The following SYMPK variants were observed in gnomAD, a reference collection of about 807,000 sequenced individuals.
SYMPK encodes the protein symplekin.
Under a neutral mutation model 136.4 loss-of-function variants are expected in SYMPK, and 49 were observed. The ratio of observed to expected loss-of-function variants is 0.36; its 90% CI spans 0.29 to 0.46. The LOEUF (loss-of-function observed/expected upper bound fraction) is 0.46, where lower values mean the gene tolerates loss of function less well. SYMPK is among the 20% of genes least tolerant of loss of function. The probability of loss-of-function intolerance (pLI) is 1.00; values close to 1 mark genes in which losing one functional copy is unlikely to be tolerated. For missense variants in SYMPK, 1,365 were observed against 1,690.0 expected, an observed-to-expected ratio of 0.81 and a Z score of 3.37; for synonymous variants, 766 against 713.0, an observed-to-expected ratio of 1.07 and a Z score of -1.19.
At chr19:45,851,577 C>CAA (rs202014672) in intron 5 of SYMPK, among the ~76,000 whole-genome samples, 14 of 105,948 alleles carry the variant, frequency 1.3e-4, no homozygotes, top group South Asian at 5.8e-4. Flanking sequence ...AACTCAGTCT[C>CAA]AAAAAAAAAA....
At position 45,815,640 on chromosome 19, in the gene SYMPK, G is replaced by A. The variant is rs764275989; in HGVS notation, c.3745C>T (p.Pro1249Ser). The change falls in exon 27 of 27, where the codon CCT becomes TCT. Residue 1249 changes from proline to serine, a missense_variant. Pro to Ser is a moderately conservative substitution (Grantham distance 74). Coordinates refer to ENST00000245934, the MANE Select transcript of SYMPK (RefSeq NM_004819.3). Reference protein sequence around the residue: ...KEERSPQTLAPVGEDAMKTPS... With the variant: ...KEERSPQTLASVGEDAMKTPS... The stretch of plus-strand genomic sequence containing the variant: ...GTCTTCATAGCATCTTCTCCAACAG[G>A]TGCGAGGGTCTGGGGGCTCCGCTCC... 3.7e-6 allele frequency: 6 copies of A among 1,610,446 alleles called. No individual in the cohort carries two copies. The highest frequency in any genetic ancestry group is 1.1e-5 in the South Asian group (1 of 90,530).
At chr19:45,842,511 C>T (rs372515423) in intron 8 of SYMPK, 22 bp from the exon 9 acceptor site, 38 of 1,600,782 alleles carry the variant, frequency 2.4e-5, no homozygotes, top group Admixed American at 5.1e-5. Context: ...GTGGCAGGAG[C>T]TGTGTCTTGT....
rs943880168 is a variant in SYMPK at position 45,858,110 on chromosome 19, G to A, written c.-12-3603C>T. On this transcript the variant is annotated intron_variant, in intron 1 of 26. Coordinates refer to ENST00000245934, the MANE Select transcript of SYMPK (RefSeq NM_004819.3). ...CACAGCGCCCAGCCGAAAATGACAC[G>A]TTTTTTAAAAGGAACTACCCAATAG... Among the ~76,000 whole-genome samples, 6 of 152,124 alleles carry A rather than the reference G, an allele frequency of 3.9e-5. No homozygotes were observed. In the East Asian group the frequency reaches 9.7e-4, roughly 25 times the overall value.
intron 9 of SYMPK, among the ~76,000 whole-genome samples, chr19:45,839,387 TAGTA>T (rs1446787289): frequency 2.6e-5 from 4 of 152,182 alleles, no homozygotes; most frequent in Non-Finnish European, 1.5e-5. Context: ...CTTGTCATGC[TAGTA>T]AGTAAGTGAA....
In SYMPK at chr19:45,816,961, G is replaced by A. The variant is rs1172396122; in HGVS notation, c.3095C>T (p.Pro1032Leu). The change falls in exon 24 of 27, where the codon CCC (proline) becomes CTC (leucine). Residue 1032 changes from proline to leucine, a missense_variant. By Grantham distance (98) the Pro-to-Leu change is moderately conservative (BLOSUM62 -3). Coordinates refer to ENST00000245934, the MANE Select transcript of SYMPK (RefSeq NM_004819.3). ...CTTGATGAAGCCCTCCCACACCTTG[G>A]GGTACTTCCACACCTGAACCAGGGA... ...RLIMKQVWKY[P>L]KVWEGFIKCC... 1.9e-6 allele frequency: 3 copies of A among 1,561,112 alleles called. No individual in the cohort carries two copies. In the African/African-American group the frequency reaches 4.1e-5, roughly 21 times the overall value.
intron 1 of SYMPK, among the ~76,000 whole-genome samples, chr19:45,857,192 G>A (rs1971841813): frequency 6.6e-6 from 1 of 151,674 alleles, no homozygotes; most frequent in South Asian, 2.1e-4. Context: ...ACGGATCACG[G>A]AGGTCAGGAG....
intron 1 of SYMPK, chr19:45,855,885 C>G (rs1157672311): frequency 6.6e-6 from 1 of 151,960 alleles, no homozygotes; most frequent in East Asian, 1.9e-4. Context: ...GTCCCAGCTA[C>G]TCAGGGAGGT....
intron 17 of SYMPK, among the ~76,000 whole-genome samples, chr19:45,825,543 A>C (rs1419405415): frequency 2.6e-5 from 4 of 152,012 alleles, no homozygotes; most frequent in African/African-American, 9.7e-5. Flanking sequence ...GGCAACTAGA[A>C]GGATCTTTCT....
In SYMPK at chr19:45,838,581, G is replaced by C; in HGVS notation, c.1122C>G (p.Asp374Glu). 6.2e-7 allele frequency: 1 copy of C among 1,614,142 alleles called. No homozygotes were observed. The highest frequency in any genetic ancestry group is 1.1e-5 in the South Asian group (1 of 91,080). ...PNLGEDDEDK[D>E]LEPGPSGTSK... The stretch of plus-strand genomic sequence containing the variant: ...AGGTCCCCGACGGGCCTGGCTCCAA[G>C]TCTTTGTCCTCATCGTCCTCCCCCA... The change falls in exon 10 of 27, where the codon GAC becomes GAG. Residue 374 changes from aspartate to glutamate, a missense_variant. By Grantham distance (45) the Asp-to-Glu change is conservative. Coordinates refer to ENST00000245934, the MANE Select transcript of SYMPK (RefSeq NM_004819.3).
intron 3 of SYMPK, among the ~76,000 whole-genome samples, chr19:45,853,111 G>A (rs1047420453): frequency 6.6e-6 from 1 of 152,140 alleles, no homozygotes; most frequent in Non-Finnish European, 1.5e-5. Flanking sequence ...ATTGCTAAAC[G>A]GCCTCATGAC....
At chr19:45,856,887 T>C (rs755886734) in intron 1 of SYMPK, among the ~76,000 whole-genome samples, 1 of 151,174 alleles carries the variant, frequency 6.6e-6, no homozygotes, top group African/African-American at 2.4e-5. Context: ...GAGGCTGAGG[T>C]AGGCAGAACA....
intron 11 of SYMPK, among the ~76,000 whole-genome samples, chr19:45,833,757 G>T (rs1017269698): frequency 6.6e-6 from 1 of 152,220 alleles, no homozygotes; most frequent in Non-Finnish European, 1.5e-5. Flanking sequence ...CTATAAATCC[G>T]AAACTTTCTG....
intron 24 of SYMPK, 99 bp from the exon 25 acceptor site, chr19:45,816,676 A>G: frequency 1.3e-6 from 2 of 1,548,486 alleles, no homozygotes; most frequent in South Asian, 1.2e-5. Flanking sequence ...CAGAACTCCC[A>G]GCAGTGCAGG....
Position 45,816,561 on chromosome 19 carries a change from T to G in SYMPK, c.3275A>C (p.Asn1092Thr). The change falls in exon 25 of 27, where the codon AAC becomes ACC. Residue 1092 changes from asparagine to threonine, a missense_variant. Around this residue, in one of 11 missense-constraint regions of SYMPK, gnomAD observed 341 missense variants for 270.5 expected, o/e 1.26. Coordinates refer to ENST00000245934, the MANE Select transcript of SYMPK (RefSeq NM_004819.3). ...FTPHQQAHIP[N>T]SIMTILEASG... ...GGCCTCCAAGATGGTCATGATGGAG[T>G]TAGGGATGTGAGCTTGCTGGGTGGA... is the stretch of plus-strand genomic sequence containing the variant. 2 of 1,612,964 alleles carry G rather than the reference T, an allele frequency of 1.2e-6. No individual in the cohort carries two copies. Among genetic ancestry groups the G allele is most frequent in the Non-Finnish European group, 1.7e-6 (2 of 1,179,742 alleles).
chr19:45,863,077 C>T lies in SYMPK; in HGVS notation c.-32G>A. 2.5e-6 allele frequency: 1 copy of T among 401,464 alleles called. No individual in the cohort carries two copies. Among genetic ancestry groups the T allele is most frequent in the Non-Finnish European group, 4.4e-6 (1 of 226,750 alleles). 24.9% of individuals were successfully genotyped at this position (401,464 alleles called of 1,614,324 possible). A position where few individuals can be genotyped will look rare whatever the true frequency, so the allele number is the denominator to read the frequency against. On this transcript the variant is annotated 5_prime_UTR_variant, in exon 1 of 27. Coordinates refer to ENST00000245934, the MANE Select transcript of SYMPK (RefSeq NM_004819.3). ...GCTCACCGCAGCTCTGGCCTCCGTT[C>T]CCCTCGCGCCCCCTCAGCAGTGCCT...
At chr19:45,837,616 CAAAA>C (rs58960244) in intron 10 of SYMPK, among the ~76,000 whole-genome samples, 5 of 77,542 alleles carry the variant, frequency 6.4e-5, no homozygotes, top group South Asian at 5.1e-4. Context: ...GACTCTGCCT[CAAAA>C]AAAAAAAAAA....
At chr19:45,817,417 C>CTCTTTTTTTTTTTTTTTTTT (rs1568605965) in intron 23 of SYMPK, among the ~76,000 whole-genome samples, 19 of 108,478 alleles carry the variant, frequency 1.8e-4, no homozygotes, top group Non-Finnish European at 2.0e-4. Context: ...TTTTTGTTCT[C>CTCTTTTTTTTTTTTTTTTTT]TTTTTTTTTT....
chr19:45,822,863 G>T lies in SYMPK; in HGVS notation c.2701-17C>A. On this transcript the variant is annotated splice_polypyrimidine_tract_variant and intron_variant, in intron 20 of 26. Coordinates refer to ENST00000245934, the MANE Select transcript of SYMPK (RefSeq NM_004819.3). ...CACCTCTTTCTACAGGGAGAAGGTG[G>T]TGGGGGTGGGAGTTGAGTCACATAC... 1.3e-6 allele frequency: 2 copies of T among 1,594,882 alleles called. No homozygotes were observed. The highest frequency in any genetic ancestry group is 1.7e-6 in the Non-Finnish European group (2 of 1,162,914).
At chr19:45,824,451 C>G (rs8106841) in intron 18 of SYMPK, among the ~76,000 whole-genome samples, 130,451 of 152,152 alleles carry the variant, frequency 0.86, 56,005 homozygotes, top group East Asian at 0.9. Context: ...CACAGCTGGA[C>G]CACCTTGAGA....
Sources: allele counts gnomAD v4.1 joint callset (sites outside exome capture counted in the v4.1 genomes callset), GRCh38; gene constraint gnomAD v4.1.1; regional missense constraint gnomAD v4.1.1; transcripts MANE v1.5; gene names NCBI Gene and HGNC (gene_info 2026-07-23, HGNC 2026-07-21).